The following ATP10B variants were observed in gnomAD, a reference collection of about 807,000 sequenced individuals.
ATP10B encodes the protein ATPase phospholipid transporting 10B (putative).
Under a neutral mutation model 141.2 loss-of-function variants are expected in ATP10B, and 122 were observed. The observed-to-expected ratio is 0.86, with a 90% CI of 0.75 to 1.00. The LOEUF (loss-of-function observed/expected upper bound fraction) is 1.00. ATP10B is among the 50% of genes least tolerant of loss of function. The probability of loss-of-function intolerance (pLI) is 0.00; values close to 1 mark genes in which losing one functional copy is unlikely to be tolerated. For synonymous variants in ATP10B, 685 were observed against 692.0 expected (o/e 0.99, Z 0.16); for missense variants, 1,876 against 1,825.3 (o/e 1.03, Z -0.51).
At chr5:160,733,242 C>T (rs1183199935) in intron 2 of ATP10B, among the ~76,000 whole-genome samples, 2 of 151,832 alleles carry the variant, frequency 1.3e-5, no homozygotes, top group African/African-American at 2.4e-5. Flanking sequence ...TTCTTGATTT[C>T]CTTTTTAGTT....
chr5:160,867,493 G>A, the ATP10B span, among the ~76,000 whole-genome samples: 1 of 152,108 alleles, frequency 6.6e-6, no homozygotes, highest in East Asian at 1.9e-4. Context: ...GGCTACTCCT[G>A]AGCAACTTGC....
In ATP10B at chr5:160,812,000, GAC is replaced by G. The variant is rs1773186837; in HGVS notation, c.-575-26199_-575-26198del. 8.5e-5 allele frequency among the ~76,000 whole-genome samples: 11 copies of G among 129,062 alleles called. No homozygotes were observed. In the Admixed American group the frequency reaches 8.6e-4, roughly 10 times the overall value. The allele number at this position is 129,062 out of a possible 152,430, so 84.7% of individuals were successfully genotyped here. ...AGCTCCAGACAGCTCTGAACAGAGA[GAC>G]AGAGACAGAGACAGAGACAGAGAGA... On this transcript the variant is annotated intron_variant, in intron 1 of 25. Transcript: ENST00000327245.
intron 2 of ATP10B, among the ~76,000 whole-genome samples, chr5:160,744,313 G>A (rs895693911): frequency 2.9e-4 from 44 of 152,062 alleles, no homozygotes; most frequent in Non-Finnish European, 2.6e-4. Context: ...TCCTTAAGCC[G>A]ACCCTACTTC....
At chr5:160,746,495 G>A (rs532054970) in intron 2 of ATP10B, among the ~76,000 whole-genome samples, 4 of 151,690 alleles carry the variant, frequency 2.6e-5, no homozygotes, top group South Asian at 4.2e-4. Flanking sequence ...AGGTTCAAGT[G>A]ATTCTCATAC....
At chr5:160,912,044 C>G in the ATP10B span, among the ~76,000 whole-genome samples, 1 of 151,500 alleles carries the variant, frequency 6.6e-6, no homozygotes. Context: ...GGAGCTTGCA[C>G]TCCAGTAGAG....
chr5:160,609,743 T>A (rs977667291), intron 18 of ATP10B, among the ~76,000 whole-genome samples: 3 of 152,186 alleles, frequency 2.0e-5, no homozygotes, highest in Non-Finnish European at 4.4e-5. Flanking sequence ...CCTTTTAAGA[T>A]GCTAAATTGA....
rs1023643307 is a variant in ATP10B at position 160,595,766 on chromosome 5, C to G, written c.3564+3004G>C. ...CCATCAGAAAATACTACAAACACCT[C>G]TATGCAAATACACTAGAAAATCTAG... On this transcript the variant is annotated intron_variant, in intron 22 of 25. Coordinates refer to ENST00000327245, the MANE Select transcript of ATP10B (RefSeq NM_025153.3). 3.6e-4 allele frequency among the ~76,000 whole-genome samples: 26 copies of G among 72,612 alleles called. 2 individuals carry two copies. Among genetic ancestry groups the G allele is most frequent in the East Asian group, 3.0e-3 (5 of 1,646 alleles). 47.6% of individuals were successfully genotyped at this position (72,612 alleles called of 152,430 possible). A position where few individuals can be genotyped will look rare whatever the true frequency, so the allele number is the denominator to read the frequency against.
intron 15 of ATP10B, among the ~76,000 whole-genome samples, chr5:160,618,864 AT>A (rs11357294): frequency 0.81 from 123,233 of 152,072 alleles, 50,098 homozygotes; most frequent in Middle Eastern, 0.87. Context: ...CTGGATTGAG[AT>A]TTTTTAAAGG....
chr5:160,788,928 C>G (rs917117367), intron 1 of ATP10B, among the ~76,000 whole-genome samples: 4 of 152,096 alleles, frequency 2.6e-5, no homozygotes, highest in African/African-American at 4.8e-5. Flanking sequence ...AGACACTGTG[C>G]TAGGCATCGG....
chr5:160,619,658 T>G (rs1262103393), intron 15 of ATP10B, among the ~76,000 whole-genome samples: 4 of 152,110 alleles, frequency 2.6e-5, no homozygotes. Context: ...CCCATAACTG[T>G]CTTCTCCTTG....
intron 5 of ATP10B, among the ~76,000 whole-genome samples, chr5:160,687,582 G>T (rs1763832775): frequency 6.6e-6 from 1 of 152,040 alleles, no homozygotes; most frequent in Non-Finnish European, 1.5e-5. Context: ...TGGGCAACGT[G>T]GCAAAACCCC....
chr5:160,702,074 T>C (rs928669540), intron 3 of ATP10B, among the ~76,000 whole-genome samples: 3 of 152,134 alleles, frequency 2.0e-5, no homozygotes, highest in African/African-American at 7.2e-5. Flanking sequence ...CTCTACCCTA[T>C]TGCCTTGTGA....
At chr5:160,573,917 T>C (rs1034248840) in intron 24 of ATP10B, among the ~76,000 whole-genome samples, 2 of 152,346 alleles carry the variant, frequency 1.3e-5, no homozygotes, top group East Asian at 3.9e-4. Flanking sequence ...AAGAACGATG[T>C]AACATTCCTG....
intron 3 of ATP10B, among the ~76,000 whole-genome samples, chr5:160,697,426 C>T (rs1298043350): frequency 7.2e-5 from 11 of 152,190 alleles, no homozygotes. Flanking sequence ...CATATAGCTG[C>T]TTGTATGGAA....
intron 18 of ATP10B, among the ~76,000 whole-genome samples, 178 bp from the exon 19 acceptor site, chr5:160,607,264 T>C (rs1055028000): frequency 6.6e-6 from 1 of 152,220 alleles, no homozygotes; most frequent in Non-Finnish European, 1.5e-5. Context: ...AAAGGAATAT[T>C]AATTTGGAAC....
chr5:160,800,316 C>T (rs1772292091), intron 1 of ATP10B, among the ~76,000 whole-genome samples: 1 of 152,092 alleles, frequency 6.6e-6, no homozygotes, highest in Non-Finnish European at 1.5e-5. Flanking sequence ...ATAAAAATGT[C>T]AATCTTATTA....
intron 1 of ATP10B, among the ~76,000 whole-genome samples, chr5:160,832,798 G>A (rs182443759): frequency 5.3e-5 from 8 of 152,244 alleles, no homozygotes; most frequent in African/African-American, 1.7e-4. Context: ...GTATCATCCC[G>A]GAGGGCACGG....
chr5:160,801,954 A>G (rs13436116), intron 1 of ATP10B, among the ~76,000 whole-genome samples: 19,467 of 152,144 alleles, frequency 0.13, 1,355 homozygotes, highest in East Asian at 0.17. Context: ...GATCTTCCCA[A>G]GAAATATTTA....
chr5:160,604,943 A>G (rs759776080), intron 19 of ATP10B, among the ~76,000 whole-genome samples: 6 of 152,238 alleles, frequency 3.9e-5, no homozygotes, highest in Non-Finnish European at 8.8e-5. Context: ...TTTTTCTGTA[A>G]AGGGTCAGGT....
Sources: gnomAD v4.1 joint callset for allele counts (sites outside exome capture counted in the v4.1 genomes callset) on GRCh38, gnomAD v4.1.1 for gene constraint, MANE v1.5 for transcripts, NCBI Gene and HGNC (gene_info 2026-07-23, HGNC 2026-07-21) for gene names.